Variants in IPPK observed in about 807,000 individuals in gnomAD.
The protein encoded by IPPK is IPK1 homolog.
IPPK carries 22 observed loss-of-function variants against 64.6 expected under a neutral mutation model. The observed-to-expected ratio is 0.34, with a 90% confidence interval of 0.24 to 0.49. IPPK has a LOEUF of 0.49. Ranked by LOEUF, IPPK falls within the 20% of genes least tolerant of loss-of-function variation. The pLI, the probability that IPPK is intolerant of heterozygous loss-of-function variation, is 0.99. For missense variants in IPPK, 532 were observed against 630.7 expected, an observed-to-expected ratio of 0.84 and a Z score of 1.68; for synonymous variants, 262 against 247.2, an observed-to-expected ratio of 1.06 and a Z score of -0.56.
chr9:92,667,690 G>A (rs1156532944), intron 1 of IPPK, among the ~76,000 whole-genome samples: 2 of 151,996 alleles, frequency 1.3e-5, no homozygotes, highest in Admixed American at 6.6e-5. Context: ...AGGCTGAGGC[G>A]GGCGGGTCAT....
intron 11 of IPPK, among the ~76,000 whole-genome samples, chr9:92,630,917 G>C (rs1851827945): frequency 6.6e-6 from 1 of 152,068 alleles, no homozygotes; most frequent in Non-Finnish European, 1.5e-5. Context: ...GTACACAGAG[G>C]TCAAAAAACT....
At chr9:92,623,767 T>C (rs554426176) in intron 11 of IPPK, among the ~76,000 whole-genome samples, 2 of 152,280 alleles carry the variant, frequency 1.3e-5, no homozygotes, top group East Asian at 1.9e-4. Context: ...CCTAACCGGT[T>C]GCAGGGAACA....
intron 2 of IPPK, among the ~76,000 whole-genome samples, chr9:92,656,817 G>A (rs996333517): frequency 1.3e-5 from 2 of 152,168 alleles, no homozygotes; most frequent in African/African-American, 2.4e-5. Flanking sequence ...GCCGCCTCCC[G>A]TCTGCCCTTC....
chr9:92,649,668 AG>A (rs988837199), intron 4 of IPPK, 94 bp from the exon 5 acceptor site: 1 of 1,450,214 alleles, frequency 6.9e-7, no homozygotes, highest in Non-Finnish European at 9.5e-7. Context: ...CCCTGGTTCC[AG>A]GGGGCATCTC....
chr9:92,624,786 C>T (rs1253944601), intron 11 of IPPK, among the ~76,000 whole-genome samples: 3 of 152,116 alleles, frequency 2.0e-5, no homozygotes, highest in African/African-American at 7.2e-5. Flanking sequence ...TGAGAAAGGA[C>T]TTACTATATA....
intron 9 of IPPK, among the ~76,000 whole-genome samples, chr9:92,637,281 G>A (rs1002132565): frequency 6.6e-6 from 1 of 152,230 alleles, no homozygotes; most frequent in Non-Finnish European, 1.5e-5. Flanking sequence ...ACTCTGGCCT[G>A]GGTAAGAGAG....
intron 1 of IPPK, among the ~76,000 whole-genome samples, chr9:92,660,964 T>C (rs1375003797): frequency 1.3e-5 from 2 of 152,222 alleles, no homozygotes; most frequent in African/African-American, 4.8e-5. Context: ...GAGAAAAAGA[T>C]GTCAGAGCCT....
chr9:92,660,357 C>G (rs1477703653), intron 1 of IPPK, among the ~76,000 whole-genome samples: 1 of 152,196 alleles, frequency 6.6e-6, no homozygotes, highest in Non-Finnish European at 1.5e-5. Context: ...TCAGTGTAAA[C>G]TGACCCAGGC....
At position 92,614,131 on chromosome 9, in the gene IPPK, T is replaced by C. The variant is rs79610873; in HGVS notation, c.*1701A>G. ...GTCCAGCCCTGTCTGGGCCCTGTGC[T>C]AGGCAATAACTCTTGCAGCCCTGAA... is the stretch of plus-strand genomic sequence containing the variant. On this transcript the variant is annotated 3_prime_UTR_variant, in exon 13 of 13. Transcript: ENST00000287996. 702 of 152,420 alleles carry C rather than the reference T, an allele frequency of 4.6e-3. 4 individuals carry two copies. Among genetic ancestry groups the C allele is most frequent in the African/African-American group, 0.015 (607 of 41,578 alleles). 9.4% of individuals were successfully genotyped at this position (152,420 alleles called of 1,614,324 possible).
intron 3 of IPPK, 143 bp from the exon 4 acceptor site, chr9:92,652,782 A>T (rs1852294516): frequency 2.5e-6 from 1 of 404,242 alleles, no homozygotes; most frequent in Non-Finnish European, 4.4e-6. Context: ...TTTATTGCTT[A>T]AAAAAAAATC....
Position 92,669,961 on chromosome 9 carries a change from C to G in IPPK, c.28G>C (p.Glu10Gln). ...TTGCCCTCTCCGTGGTACCCCCATTCATTCTCGTCCATCTTCCCCTCTTCC... is the reference window on the plus strand; with the variant it reads ...TTGCCCTCTCCGTGGTACCCCCATTGATTCTCGTCCATCTTCCCCTCTTCC... MEEGKMDEN[E>Q]WGYHGEGNKS... is the part of the protein sequence containing the mutation. Residue 10 changes from glutamate (E) to glutamine (Q), a missense_variant, in exon 1 of 13, where the codon GAA (glutamate) becomes CAA (glutamine). By Grantham distance (29) the Glu-to-Gln change is conservative (BLOSUM62 2). Coordinates refer to ENST00000287996, the MANE Select transcript of IPPK (RefSeq NM_022755.6). 6.2e-7 allele frequency: 1 copy of G among 1,613,200 alleles called. No homozygotes were observed. The highest frequency in any genetic ancestry group is 8.5e-7 in the Non-Finnish European group (1 of 1,179,534).
rs1284601654 is a variant in IPPK at position 92,635,833 on chromosome 9, A to C, written c.917-525T>G. Among the ~76,000 whole-genome samples, 1 of 151,954 alleles carries C rather than the reference A, an allele frequency of 6.6e-6. No individual in the cohort carries two copies. Among genetic ancestry groups the C allele is most frequent in the East Asian group, 1.9e-4 (1 of 5,186 alleles). On this transcript the variant is annotated intron_variant, in intron 9 of 12. Transcript: ENST00000287996. This position sits in a 1 kb window ranked among gnomAD's most constrained non-coding sequence, Gnocchi z 4.4. ...TTTCTAAGATCCTGCTGACATCCTA[A>C]ATCTGCAAGACCACTAAAGGAGGAA...
chr9:92,623,814 CTAAG>C (rs1851686629), intron 11 of IPPK, among the ~76,000 whole-genome samples: 1 of 152,180 alleles, frequency 6.6e-6, no homozygotes, highest in Admixed American at 6.5e-5. Flanking sequence ...GCTACTGAAA[CTAAG>C]TATACTCATC....
At chr9:92,642,121 A>G (rs1852058828) in intron 7 of IPPK, among the ~76,000 whole-genome samples, 1 of 152,202 alleles carries the variant, frequency 6.6e-6, no homozygotes, top group Non-Finnish European at 1.5e-5. Context: ...CTTCAGCCCC[A>G]GGGCCTGCTC....
chr9:92,643,928 A>G (rs981959813), intron 6 of IPPK, among the ~76,000 whole-genome samples: 1 of 152,246 alleles, frequency 6.6e-6, no homozygotes, highest in Non-Finnish European at 1.5e-5. Context: ...ATGCCATGTC[A>G]TATGTTACCA....
chr9:92,642,980 G>A (rs908789550), intron 6 of IPPK, among the ~76,000 whole-genome samples, 170 bp from the exon 7 acceptor site: 3 of 152,238 alleles, frequency 2.0e-5, no homozygotes, highest in Non-Finnish European at 4.4e-5. Flanking sequence ...GTGGCGGAGG[G>A]AGCCACTTGA....
At chr9:92,644,068 A>C (rs1314407181) in intron 6 of IPPK, among the ~76,000 whole-genome samples, 2 of 152,232 alleles carry the variant, frequency 1.3e-5, no homozygotes, top group Non-Finnish European at 2.9e-5. Flanking sequence ...CTTTCCCCTA[A>C]GAGCTTAGAT....
chr9:92,658,519 T>C, intron 2 of IPPK, 115 bp downstream of exon 2: 1 of 889,730 alleles, frequency 1.1e-6, no homozygotes, highest in Admixed American at 1.9e-5. Flanking sequence ...CTGCACTGAA[T>C]GCTTGTATCA....
At chr9:92,648,281 A>C (rs1852189521) in intron 5 of IPPK, 133 bp from the exon 6 acceptor site, 16 of 671,988 alleles carry the variant, frequency 2.4e-5, no homozygotes, top group Non-Finnish European at 3.8e-5. Flanking sequence ...AGCTGTTTTC[A>C]TTTGCACCTC....
Sources: allele counts gnomAD v4.1 joint callset (sites outside exome capture counted in the v4.1 genomes callset), GRCh38; gene constraint gnomAD v4.1.1; non-coding constraint Gnocchi (gnomAD v3.1); transcripts MANE v1.5; gene names NCBI Gene and HGNC (gene_info 2026-07-23, HGNC 2026-07-21).